MFSD11: variants seen among roughly 807,000 people sequenced by gnomAD.
MFSD11 encodes the protein major facilitator superfamily domain containing 11.
A neutral mutation model predicts 53.5 loss-of-function variants in MFSD11; 36 were observed. The ratio of observed to expected loss-of-function variants is 0.67; its 90% CI spans 0.52 to 0.89. MFSD11 has a LOEUF of 0.89. Among genes scored for constraint, MFSD11 ranks in the 40% least tolerant of loss-of-function variants. The probability of loss-of-function intolerance (pLI) is 0.00; values close to 1 mark genes in which losing one functional copy is unlikely to be tolerated. For missense variants in MFSD11, 530 were observed against 543.9 expected (o/e 0.97, Z 0.25); for synonymous variants, 186 against 184.9 (o/e 1.01, Z -0.05).
chr17:76,762,802 G>T (rs181163288), intron 8 of MFSD11, among the ~76,000 whole-genome samples: 4 of 151,938 alleles, frequency 2.6e-5, no homozygotes, highest in Admixed American at 6.6e-5. Flanking sequence ...ATTAAGCACC[G>T]GCGGGAAATC....
chr17:76,769,812 CA>C lies in MFSD11; in HGVS notation c.816del (p.Glu273LysfsTer19). Reference sequence around the variant, plus strand: ...ATTGGTGCTACAAATAAATTTGGAGCAGAAGAGAAAAGCCTTATTGGACTTT... The same window carrying C: ...ATTGGTGCTACAAATAAATTTGGAGCGAAGAGAAAAGCCTTATTGGACTTT... ...TCIGATNKFG[A>X]EEKSLIGLSG... On this transcript the variant is annotated frameshift_variant, in exon 10 of 13. Transcript: ENST00000685175. LOFTEE classifies it high-confidence loss of function. 4 of 1,612,706 alleles carry C rather than the reference CA, an allele frequency of 2.5e-6. No individual in the cohort carries two copies. The highest frequency in any genetic ancestry group is 3.4e-6 in the Non-Finnish European group (4 of 1,179,550).
At chr17:76,737,970 C>A, upstream of MFSD11, 1 of 263,632 alleles carries the variant, frequency 3.8e-6, no homozygotes, top group Non-Finnish European at 7.1e-6. Context: ...GCCGCGGCTG[C>A]GGTCAGGTGA....
rs150686590 is a variant in MFSD11, at chr17:76,762,018, G to A, written c.683-5368G>A. 6.2e-4 allele frequency among the ~76,000 whole-genome samples: 94 copies of A among 151,814 alleles called. 2 individuals carry two copies. The South Asian group carries it at 6.5e-3, about 10-fold the overall frequency. On this transcript the variant is annotated intron_variant, in intron 8 of 12. Transcript: ENST00000685175. ...AGTACAATTTATTATATTCAGAGTC[G>A]TGTAACCATCACTTTACTCAATTTT...
intron 8 of MFSD11, among the ~76,000 whole-genome samples, chr17:76,760,885 CG>C (rs2080160672): frequency 1.3e-5 from 2 of 151,920 alleles, no homozygotes; most frequent in African/African-American, 4.8e-5. Context: ...ATATTATGGG[CG>C]GGGGGACAGG....
rs756403432 is a variant in MFSD11 at position 76,742,193 on chromosome 17, A to G, written c.357A>G (p.Gln119=). 1.2e-6 allele frequency: 2 copies of G among 1,614,216 alleles called. No homozygotes were observed. The highest frequency in any genetic ancestry group is 1.7e-6 in the Non-Finnish European group (2 of 1,180,040). The change falls in exon 5 of 13, where the codon CAA becomes CAG. Residue 119 remains glutamine (Q), a synonymous_variant. Transcript: ENST00000685175. ...GIAAAVLWTA[Q]GNCLTINSDE... ...GAATTTTAGTGCTTTGGACAGCACA[A>G]GGAAACTGCCTGACAATCAATTCGG...
chr17:76,737,343 C>T (rs989230257), upstream of MFSD11: 66 of 750,722 alleles, frequency 8.8e-5, no homozygotes, highest in Middle Eastern at 8.1e-4. Flanking sequence ...GGCGGGCAGC[C>T]GGCCTCTGCG....
intron 6 of MFSD11, among the ~76,000 whole-genome samples, chr17:76,743,775 C>T (rs1240525518): frequency 1.3e-5 from 2 of 152,120 alleles, no homozygotes; most frequent in Non-Finnish European, 2.9e-5. Context: ...CACCACCACG[C>T]CCAGCTAATT....
intron 10 of MFSD11, among the ~76,000 whole-genome samples, chr17:76,773,928 A>T (rs2081588808): frequency 1.3e-5 from 2 of 150,762 alleles, no homozygotes; most frequent in South Asian, 4.2e-4. Flanking sequence ...TTTTTAAATT[A>T]TTTTTTTATT....
At chr17:76,782,984 C>T (rs957019404), downstream of MFSD11, among the ~76,000 whole-genome samples, 1 of 151,680 alleles carries the variant, frequency 6.6e-6, no homozygotes, top group African/African-American at 2.4e-5. Context: ...CGAGACCAGC[C>T]TGGCCAATAT....
upstream of MFSD11, chr17:76,737,901 A>C: frequency 5.7e-6 from 1 of 175,978 alleles, no homozygotes; most frequent in Non-Finnish European, 1.2e-5. Flanking sequence ...CTCCCCGCGG[A>C]GCGCTTGCGC....
At chr17:76,749,786 A>C (rs1455772867) in intron 7 of MFSD11, among the ~76,000 whole-genome samples, 1 of 150,996 alleles carries the variant, frequency 6.6e-6, no homozygotes, top group Non-Finnish European at 1.5e-5. Context: ...GCTACTCAGG[A>C]GGCTGAGGTA....
chr17:76,779,675 G>A (rs1019106322), downstream of MFSD11, among the ~76,000 whole-genome samples: 1 of 151,958 alleles, frequency 6.6e-6, no homozygotes, highest in East Asian at 1.9e-4. Flanking sequence ...AGTAGAGATG[G>A]GGTTTCACCA....
At chr17:76,771,930 G>C (rs898007974) in intron 10 of MFSD11, among the ~76,000 whole-genome samples, 6 of 152,052 alleles carry the variant, frequency 3.9e-5, no homozygotes, top group African/African-American at 1.4e-4. Context: ...TGCTCAGGAG[G>C]GACTCGTGGG....
chr17:76,780,758 C>G (rs2082145597), downstream of MFSD11, among the ~76,000 whole-genome samples: 1 of 152,154 alleles, frequency 6.6e-6, no homozygotes, highest in Non-Finnish European at 1.5e-5. Context: ...TCATGATCCG[C>G]CTGCCTCAGC....
the MFSD11 span, among the ~76,000 whole-genome samples, chr17:76,800,305 G>T: frequency 6.6e-6 from 1 of 152,076 alleles, no homozygotes; most frequent in Non-Finnish European, 1.5e-5. Context: ...TGGCTAAAAG[G>T]GTTTTCTTGG....
chr17:76,740,410 C>T (rs2077955988), intron 2 of MFSD11, among the ~76,000 whole-genome samples: 1 of 152,160 alleles, frequency 6.6e-6, no homozygotes, highest in East Asian at 1.9e-4. Flanking sequence ...TAAATTCTGG[C>T]TTAAGCAAGT....
intron 8 of MFSD11, among the ~76,000 whole-genome samples, chr17:76,764,570 A>G (rs2080635819): frequency 6.6e-6 from 1 of 152,236 alleles, no homozygotes; most frequent in African/African-American, 2.4e-5. Flanking sequence ...ACGTTGCCCT[A>G]AATGGCAGGA....
At chr17:76,789,870 A>G in the MFSD11 span, among the ~76,000 whole-genome samples, 1 of 150,150 alleles carries the variant, frequency 6.7e-6, no homozygotes, top group African/African-American at 2.4e-5. Flanking sequence ...CTCTTTAAAT[A>G]TCTTGCAGAG....
Position 76,738,592 on chromosome 17 carries a change from A to G in MFSD11, c.96+144A>G, listed in dbSNP as rs1007996339. Reference sequence around the variant, plus strand: ...CCAGACTTCCTCATTTTTTATGATTAGGTTTGATTTCTTGTGTCAGACATT... The same window carrying G: ...CCAGACTTCCTCATTTTTTATGATTGGGTTTGATTTCTTGTGTCAGACATT... On this transcript the variant is annotated intron_variant, in intron 1 of 12. Coordinates refer to ENST00000685175, the MANE Select transcript of MFSD11 (RefSeq NM_001242532.5). 5.2e-5 allele frequency: 34 copies of G among 650,386 alleles called. No individual in the cohort carries two copies. The African/African-American group carries it at 5.7e-4, about 11-fold the overall frequency. The allele number at this position is 650,386 out of a possible 1,614,324, so 40.3% of individuals were successfully genotyped here.
Sources: gnomAD v4.1 joint callset for allele counts (sites outside exome capture counted in the v4.1 genomes callset) on GRCh38, gnomAD v4.1.1 for gene constraint, MANE v1.5 for transcripts, NCBI Gene and HGNC (gene_info 2026-07-23, HGNC 2026-07-21) for gene names.